C12orf42: variants seen among roughly 807,000 people sequenced by gnomAD.
The protein encoded by C12orf42 is chromosome 12 open reading frame 42.
A neutral mutation model predicts 21.6 loss-of-function variants in C12orf42; 25 were observed. The observed-to-expected ratio is 1.16, with a 90% CI of 0.84 to 1.62. The LOEUF (loss-of-function observed/expected upper bound fraction) is 1.62. Among genes scored for constraint, C12orf42 ranks in the 40% most tolerant of loss-of-function variants. The pLI is 0.00. For synonymous variants in C12orf42, 174 were observed against 175.0 expected, an observed-to-expected ratio of 0.99 and a Z score of 0.05; for missense variants, 483 against 459.3, an observed-to-expected ratio of 1.05 and a Z score of -0.47.
the C12orf42 span, among the ~76,000 whole-genome samples, chr12:103,146,590 AAG>A: frequency 3.3e-5 from 5 of 150,828 alleles, no homozygotes; most frequent in African/African-American, 1.2e-4. Flanking sequence ...GAAAGAAAGA[AAG>A]AAAGAAAGAA....
chr12:103,116,843 G>A, the C12orf42 span, among the ~76,000 whole-genome samples: 1 of 152,212 alleles, frequency 6.6e-6, no homozygotes, highest in Non-Finnish European at 1.5e-5. Context: ...CACACTGTGA[G>A]TGCATGTCAG....
upstream of C12orf42, among the ~76,000 whole-genome samples, chr12:103,498,983 C>A (rs1476302922): frequency 6.6e-6 from 1 of 151,684 alleles, no homozygotes; most frequent in Non-Finnish European, 1.5e-5. Flanking sequence ...ACACATTTAC[C>A]TATGTAACAA....
the C12orf42 span, among the ~76,000 whole-genome samples, chr12:103,089,957 A>G: frequency 6.6e-6 from 1 of 152,192 alleles, no homozygotes; most frequent in Non-Finnish European, 1.5e-5. Context: ...TAAAGTGAGC[A>G]TGTGTGTGAT....
downstream of C12orf42, among the ~76,000 whole-genome samples, chr12:103,234,683 G>T (rs972219732): frequency 9.2e-5 from 14 of 151,996 alleles, no homozygotes; most frequent in Admixed American, 4.6e-4. Context: ...TCTTGCCTTT[G>T]TTCCTTCAGT....
chr12:103,178,139 G>A, the C12orf42 span: 1 of 152,168 alleles, frequency 6.6e-6, no homozygotes, highest in African/African-American at 2.4e-5. Context: ...CGCTTCAAAA[G>A]CCCTTTTGTA....
At chr12:103,146,014 C>T in the C12orf42 span, among the ~76,000 whole-genome samples, 4 of 151,980 alleles carry the variant, frequency 2.6e-5, no homozygotes, top group Non-Finnish European at 4.4e-5. Context: ...GGAGGTTATA[C>T]ATCAAAATGC....
At chr12:103,418,005 G>C (rs1189536148) in intron 2 of C12orf42, among the ~76,000 whole-genome samples, 2 of 152,162 alleles carry the variant, frequency 1.3e-5, no homozygotes, top group African/African-American at 4.8e-5. Context: ...TTTGTTCATA[G>C]AGACATTTTT....
At chr12:103,295,908 C>T (rs989049355) in intron 4 of C12orf42, among the ~76,000 whole-genome samples, 2 of 151,936 alleles carry the variant, frequency 1.3e-5, no homozygotes, top group Non-Finnish European at 2.9e-5. Flanking sequence ...TACATGTGCA[C>T]AACGTGCAGG....
chr12:103,087,927 G>A, the C12orf42 span, among the ~76,000 whole-genome samples: 9 of 152,226 alleles, frequency 5.9e-5, no homozygotes, highest in Admixed American at 1.3e-4. Flanking sequence ...TATCTCTGTT[G>A]TGACAGTAGT....
chr12:103,449,152 G>A (rs370299514), intron 2 of C12orf42, among the ~76,000 whole-genome samples: 2 of 151,820 alleles, frequency 1.3e-5, no homozygotes, highest in Non-Finnish European at 1.5e-5. Context: ...GGAATACTAC[G>A]CAACCATAAA....
At chr12:103,402,691 TGGAG>T (rs1207537844) in intron 2 of C12orf42, among the ~76,000 whole-genome samples, 2 of 152,052 alleles carry the variant, frequency 1.3e-5, no homozygotes, top group Non-Finnish European at 2.9e-5. Context: ...CAGACATAGG[TGGAG>T]TCAAGGAATA....
chr12:103,087,886 G>A, the C12orf42 span, among the ~76,000 whole-genome samples: 6 of 152,304 alleles, frequency 3.9e-5, no homozygotes, highest in South Asian at 1.2e-3. Context: ...GTAATGTTAT[G>A]AGTTTGATAT....
At chr12:103,236,814 T>C (rs2033482574), downstream of C12orf42, among the ~76,000 whole-genome samples, 1 of 152,214 alleles carries the variant, frequency 6.6e-6, no homozygotes. Flanking sequence ...TTTTGTGTTG[T>C]GAATTAAATC....
Position 103,425,038 on chromosome 12 carries a change from A to T in C12orf42, c.79-23363T>A, listed in dbSNP as rs574199239. Among the ~76,000 whole-genome samples the T allele has an allele frequency of 1.1e-4, 16 of 152,216 alleles. No homozygotes were observed. The South Asian group carries it at 1.7e-3, about 16-fold the overall frequency. On this transcript the variant is annotated intron_variant, in intron 2 of 5. Transcript: ENST00000548883. The stretch of plus-strand genomic sequence containing the variant: ...TCATTACTGAGGCTTGAGTAGGTGG[A>T]TTTCCCCTCACAGTGTAAACAAAGC...
At chr12:103,059,132 G>T in the C12orf42 span, among the ~76,000 whole-genome samples, 1 of 152,124 alleles carries the variant, frequency 6.6e-6, no homozygotes, top group Non-Finnish European at 1.5e-5. Context: ...CAATAAAAAT[G>T]ATAAAGGGGA....
At chr12:103,373,357 C>T (rs2045426839) in intron 3 of C12orf42, among the ~76,000 whole-genome samples, 1 of 152,136 alleles carries the variant, frequency 6.6e-6, no homozygotes, top group Non-Finnish European at 1.5e-5. Context: ...ATAAATTTCT[C>T]TGAATGAAAA....
chr12:103,155,578 C>A, the C12orf42 span, among the ~76,000 whole-genome samples: 11 of 151,798 alleles, frequency 7.2e-5, no homozygotes, highest in African/African-American at 2.7e-4. Context: ...TTGGGATGCT[C>A]ATGGCTAATT....
chr12:103,348,072 A>C (rs1254698139), intron 4 of C12orf42, among the ~76,000 whole-genome samples: 2 of 152,206 alleles, frequency 1.3e-5, no homozygotes, highest in African/African-American at 4.8e-5. Context: ...ATATCAATAA[A>C]ACAAAATAAA....
At chr12:103,143,407 T>A in the C12orf42 span, among the ~76,000 whole-genome samples, 1 of 152,144 alleles carries the variant, frequency 6.6e-6, no homozygotes, top group African/African-American at 2.4e-5. Flanking sequence ...TCGGTAGCAT[T>A]CCTAGTCTTT....
Sources: gnomAD v4.1 joint callset for allele counts (sites outside exome capture counted in the v4.1 genomes callset) on GRCh38, gnomAD v4.1.1 for gene constraint, MANE v1.5 for transcripts, NCBI Gene and HGNC (gene_info 2026-07-23, HGNC 2026-07-21) for gene names.